PCDHGA3: variants seen among roughly 807,000 people sequenced by gnomAD.
PCDHGA3 encodes protocadherin gamma subfamily A, 3.
PCDHGA3 carries 40 observed loss-of-function variants against 58.5 expected under a neutral mutation model. The observed-to-expected ratio is 0.68, with a 90% CI of 0.53 to 0.89. The LOEUF (loss-of-function observed/expected upper bound fraction) is 0.89. Among genes scored for constraint, PCDHGA3 ranks in the 40% least tolerant of loss-of-function variants. The probability of loss-of-function intolerance (pLI) is 0.00; values close to 1 mark genes in which losing one functional copy is unlikely to be tolerated. For missense variants in PCDHGA3, 1,223 were observed against 1,195.9 expected (o/e 1.02, Z -0.33); for synonymous variants, 530 against 525.7 (o/e 1.01, Z -0.11).
intron 1 of PCDHGA3, chr5:141,355,819 G>T (rs757822946): frequency 1.9e-6 from 3 of 1,613,058 alleles, no homozygotes; most frequent in Non-Finnish European, 2.5e-6. Context: ...GGAAGAGGCG[G>T]TTCACCACCT....
intron 1 of PCDHGA3, among the ~76,000 whole-genome samples, chr5:141,453,047 G>A (rs930795400): frequency 1.3e-5 from 2 of 152,172 alleles, no homozygotes; most frequent in African/African-American, 4.8e-5. Context: ...TTTCTATTAT[G>A]TGCAGTTTTA....
rs375524878 is a variant in PCDHGA3, at chr5:141,350,770, C to T, written c.2424+4313C>T. Reference sequence around the variant, plus strand: ...ATTCACTGAAGTTATACACCATCAACCCCAATCAATACTTCTCTCTGTCAA... The same window carrying T: ...ATTCACTGAAGTTATACACCATCAATCCCAATCAATACTTCTCTCTGTCAA... On this transcript the variant is annotated intron_variant, in intron 1 of 3. Coordinates refer to ENST00000253812, the MANE Select transcript of PCDHGA3 (RefSeq NM_018916.4). The T allele has an allele frequency of 1.1e-4, 177 of 1,613,924 alleles. No individual in the cohort carries two copies. The African/African-American group carries it at 2.2e-3, about 20-fold the overall frequency.
chr5:141,479,928 C>T (rs1309777916), intron 1 of PCDHGA3, among the ~76,000 whole-genome samples: 1 of 152,222 alleles, frequency 6.6e-6, no homozygotes, highest in African/African-American at 2.4e-5. Flanking sequence ...CTCAGTGCAT[C>T]ATTGCTATCA....
chr5:141,466,947 A>C (rs2099132734), intron 1 of PCDHGA3, among the ~76,000 whole-genome samples: 1 of 152,126 alleles, frequency 6.6e-6, no homozygotes, highest in South Asian at 2.1e-4. Context: ...TGTCCAGTAA[A>C]CAGACTGCAA....
chr5:141,413,013 C>A, intron 1 of PCDHGA3: 2 of 661,008 alleles, frequency 3.0e-6, no homozygotes, highest in Admixed American at 6.8e-5. Context: ...GCTTCAACTA[C>A]ACAAGCCCCA....
intron 1 of PCDHGA3, chr5:141,357,127 G>C: frequency 1.2e-6 from 2 of 1,613,566 alleles, no homozygotes; most frequent in Non-Finnish European, 1.7e-6. Context: ...GCAGAGGCTT[G>C]TAGTGGTCGT....
chr5:141,378,581 G>A (rs17524659), intron 1 of PCDHGA3: 5,512 of 152,208 alleles, frequency 0.036, 128 homozygotes, highest in South Asian at 0.08. Flanking sequence ...AAACATGCTC[G>A]GTAGTGTCTG....
chr5:141,413,024 C>G, intron 1 of PCDHGA3: 1 of 736,254 alleles, frequency 1.4e-6, no homozygotes, highest in Non-Finnish European at 2.1e-6. Context: ...ACAAGCCCCA[C>G]AAACCGGCTG....
At chr5:141,509,319 G>A (rs1427191152) in intron 3 of PCDHGA3, among the ~76,000 whole-genome samples, 3 of 152,216 alleles carry the variant, frequency 2.0e-5, no homozygotes, top group African/African-American at 4.8e-5. Context: ...TGGGAGAGAA[G>A]CTCTACTGCC....
intron 1 of PCDHGA3, chr5:141,415,513 G>A: frequency 6.2e-7 from 1 of 1,614,214 alleles, no homozygotes; most frequent in East Asian, 2.2e-5. Context: ...GCCCAATTAT[G>A]CGGACACGCT....
rs779191558 is a variant in PCDHGA3 at position 141,491,465 on chromosome 5, A to G, written c.2425-3342A>G. On this transcript the variant is annotated intron_variant, in intron 1 of 3. Coordinates refer to ENST00000253812, the MANE Select transcript of PCDHGA3 (RefSeq NM_018916.4). This position sits in a 1 kb window ranked among gnomAD's most constrained non-coding sequence, Gnocchi z 6.9. The stretch of plus-strand genomic sequence containing the variant: ...CAGGACTCACCCTCCCCGGACTTCT[A>G]TAAGCAGTCCAGCCCCAACCTGCAG... 1.2e-6 allele frequency: 2 copies of G among 1,613,974 alleles called. No homozygotes were observed. The highest frequency in any genetic ancestry group is 1.1e-5 in the South Asian group (1 of 91,084).
chr5:141,384,524 T>C, intron 1 of PCDHGA3: 1 of 1,614,208 alleles, frequency 6.2e-7, no homozygotes. Context: ...GACCCGCCTC[T>C]CAGCAGCAAC....
chr5:141,372,918 G>A (rs1350578389), intron 1 of PCDHGA3: 1 of 1,022,894 alleles, frequency 9.8e-7, no homozygotes, highest in African/African-American at 1.6e-5. Flanking sequence ...TTATTTTATT[G>A]ATTTTCTGGT....
intron 1 of PCDHGA3, chr5:141,393,547 C>T (rs761723933): frequency 4.3e-6 from 7 of 1,613,938 alleles, no homozygotes; most frequent in South Asian, 1.1e-5. Flanking sequence ...TTTCCTCACC[C>T]GATTTACCGA....
At position 141,490,381 on chromosome 5, in the gene PCDHGA3, A is replaced by T. The variant is rs770046796; in HGVS notation, c.2425-4426A>T. 1 of 1,614,240 alleles carries T rather than the reference A, an allele frequency of 6.2e-7. No homozygotes were observed. The highest frequency in any genetic ancestry group is 1.1e-5 in the South Asian group (1 of 91,090). On this transcript the variant is annotated intron_variant, in intron 1 of 3. Coordinates refer to ENST00000253812, the MANE Select transcript of PCDHGA3 (RefSeq NM_018916.4). This position sits in a 1 kb window ranked among gnomAD's most constrained non-coding sequence, Gnocchi z 5.4. ...TAATGTGCGAGACCGGGACTCAGGT[A>T]GAAATGGTGAAGTGAGCCTTGATAT...
At chr5:141,413,445 C>G (rs764464917) in intron 1 of PCDHGA3, 105 of 1,613,986 alleles carry the variant, frequency 6.5e-5, no homozygotes, top group Non-Finnish European at 8.5e-5. Context: ...GCTTGATCAC[C>G]GCGGGCAGGA....
intron 1 of PCDHGA3, chr5:141,413,899 A>G: frequency 1.2e-6 from 2 of 1,613,286 alleles, no homozygotes; most frequent in Non-Finnish European, 1.7e-6. Context: ...TGCAAATGAC[A>G]ACGCGCCGGT....
chr5:141,355,238 T>G, intron 1 of PCDHGA3: 1 of 1,612,564 alleles, frequency 6.2e-7, no homozygotes, highest in Non-Finnish European at 8.5e-7. Flanking sequence ...CACACCCGGC[T>G]GCTCCAGATC....
chr5:141,406,976 A>G (rs773444464), intron 1 of PCDHGA3, among the ~76,000 whole-genome samples: 12 of 152,244 alleles, frequency 7.9e-5, no homozygotes, highest in Non-Finnish European at 1.8e-4. Flanking sequence ...AGTAAATAAC[A>G]TTTCACAAGA....
Sources: gnomAD v4.1 joint callset for allele counts (sites outside exome capture counted in the v4.1 genomes callset) on GRCh38, gnomAD v4.1.1 for gene constraint, Gnocchi (gnomAD v3.1) non-coding constraint, MANE v1.5 for transcripts, NCBI Gene and HGNC (gene_info 2026-07-23, HGNC 2026-07-21) for gene names.